Variants in ROBO1 observed in about 807,000 individuals in gnomAD.
ROBO1 encodes the protein roundabout homolog 1.
In ROBO1, 149 loss-of-function variants were observed where a neutral mutation model predicts 195.9. The ratio of observed to expected loss-of-function variants is 0.76; its 90% confidence interval spans 0.67 to 0.87. The LOEUF (loss-of-function observed/expected upper bound fraction) is 0.87. ROBO1 is among the 40% of genes least tolerant of loss of function. The probability of loss-of-function intolerance (pLI) is 0.00; values close to 1 mark genes in which losing one functional copy is unlikely to be tolerated. For synonymous variants in ROBO1, 816 were observed against 733.2 expected, an observed-to-expected ratio of 1.11 and a Z score of -1.82; for missense variants, 1,933 against 2,068.3, an observed-to-expected ratio of 0.93 and a Z score of 1.27.
chr3:78,636,204 T>C (rs2107533662), intron 22 of ROBO1, 96 bp from the exon 23 acceptor site: 3 of 843,578 alleles, frequency 3.6e-6, no homozygotes, highest in Non-Finnish European at 5.4e-6. Flanking sequence ...CAGAAAATCG[T>C]TATGTAAAGT....
chr3:79,760,603 C>G (rs561926967), intron 1 of ROBO1, among the ~76,000 whole-genome samples: 1 of 112,214 alleles, frequency 8.9e-6, no homozygotes, highest in Admixed American at 9.6e-5. Context: ...TATGTTTAAG[C>G]AATTCACAGC....
At chr3:79,584,576 G>A (rs1943760788) in intron 2 of ROBO1, among the ~76,000 whole-genome samples, 1 of 150,570 alleles carries the variant, frequency 6.6e-6, no homozygotes, top group Non-Finnish European at 1.5e-5. Context: ...TCCTAAGTAT[G>A]TAACAAGAGA....
chr3:78,777,864 A>G (rs1260845351), intron 4 of ROBO1, among the ~76,000 whole-genome samples: 1 of 152,172 alleles, frequency 6.6e-6, no homozygotes, highest in East Asian at 1.9e-4. Flanking sequence ...AGAACTTCCA[A>G]TTCTATATTG....
intron 2 of ROBO1, among the ~76,000 whole-genome samples, chr3:79,408,310 A>G (rs1010427322): frequency 7.9e-5 from 12 of 152,044 alleles, no homozygotes; most frequent in African/African-American, 2.9e-4. Context: ...TAATCTCAGT[A>G]CTGAAGGAAA....
intron 10 of ROBO1, among the ~76,000 whole-genome samples, chr3:78,681,048 T>C (rs1409799953): frequency 6.6e-6 from 1 of 151,658 alleles, no homozygotes; most frequent in Non-Finnish European, 1.5e-5. Flanking sequence ...ATGGATGAAA[T>C]TGGAAATCAT....
At chr3:79,511,071 C>T (rs745961490) in intron 2 of ROBO1, among the ~76,000 whole-genome samples, 6 of 152,150 alleles carry the variant, frequency 3.9e-5, no homozygotes, top group Middle Eastern at 3.4e-3. Flanking sequence ...TCAAGATACT[C>T]GGGATGACCA....
rs576389202 is a variant in ROBO1, at chr3:79,242,912, A to T, written c.89-117373T>A. ...TTTGTTACATATGTATACATGTGCC[A>T]TGTTGGTGTGCTGCACCTATTAACT... On this transcript the variant is annotated intron_variant, in intron 2 of 30. Coordinates refer to ENST00000464233, the MANE Select transcript of ROBO1 (RefSeq NM_002941.4). 1.3e-3 allele frequency among the ~76,000 whole-genome samples: 202 copies of T among 151,984 alleles called. 1 individual carries two copies. The highest frequency in any genetic ancestry group is 4.7e-3 in the African/African-American group (194 of 41,450).
At chr3:79,144,589 G>C (rs2168373) in intron 2 of ROBO1, among the ~76,000 whole-genome samples, 112,267 of 151,792 alleles carry the variant, frequency 0.74, 41,801 homozygotes, top group African/African-American at 0.83. Flanking sequence ...AATCTGAGAT[G>C]AAGAGGAATG....
At chr3:78,682,474 A>G (rs1160656336) in intron 10 of ROBO1, among the ~76,000 whole-genome samples, 1 of 145,894 alleles carries the variant, frequency 6.9e-6, no homozygotes, top group Non-Finnish European at 1.5e-5. Context: ...TATATATATG[A>G]CTGTGTATAT....
intron 1 of ROBO1, among the ~76,000 whole-genome samples, chr3:79,679,564 T>C (rs1296853625): frequency 6.6e-6 from 1 of 152,050 alleles, no homozygotes; most frequent in Non-Finnish European, 1.5e-5. Flanking sequence ...TCAAATGTAA[T>C]GTTTTTCTCT....
At chr3:78,806,585 C>T (rs1378088888) in intron 4 of ROBO1, among the ~76,000 whole-genome samples, 1 of 152,032 alleles carries the variant, frequency 6.6e-6, no homozygotes, top group Non-Finnish European at 1.5e-5. Context: ...TGAAGTAACA[C>T]TTATAAGTCA....
At chr3:79,303,764 A>C (rs2033091537) in intron 2 of ROBO1, among the ~76,000 whole-genome samples, 1 of 152,152 alleles carries the variant, frequency 6.6e-6, no homozygotes, top group Non-Finnish European at 1.5e-5. Flanking sequence ...GCTTTGACCA[A>C]CATCTCCTCA....
At chr3:78,810,690 C>A (rs1384365838) in intron 4 of ROBO1, among the ~76,000 whole-genome samples, 1 of 151,804 alleles carries the variant, frequency 6.6e-6, no homozygotes, top group Non-Finnish European at 1.5e-5. Flanking sequence ...AAAGTAATCA[C>A]CCTGTAAAAT....
chr3:79,705,764 G>A (rs1349033823), intron 1 of ROBO1, among the ~76,000 whole-genome samples: 1 of 152,058 alleles, frequency 6.6e-6, no homozygotes, highest in Non-Finnish European at 1.5e-5. Flanking sequence ...AGAACAAGTT[G>A]GGGAGAACTG....
chr3:79,069,231 C>A (rs998102534), intron 3 of ROBO1, among the ~76,000 whole-genome samples: 1 of 151,788 alleles, frequency 6.6e-6, no homozygotes. Context: ...TCAATTTATG[C>A]AAATTGTATC....
intron 3 of ROBO1, among the ~76,000 whole-genome samples, chr3:78,988,272 A>G (rs1376230159): frequency 6.6e-6 from 1 of 152,128 alleles, no homozygotes; most frequent in African/African-American, 2.4e-5. Context: ...GCTACGAACT[A>G]AAAGGCAATT....
intron 1 of ROBO1, among the ~76,000 whole-genome samples, chr3:79,765,522 T>C (rs560171881): frequency 6.6e-6 from 1 of 152,124 alleles, no homozygotes; most frequent in Non-Finnish European, 1.5e-5. Context: ...CTCCTCAAGA[T>C]ATAGTAGAGA....
chr3:79,456,230 C>G (rs1014492500), intron 2 of ROBO1, among the ~76,000 whole-genome samples: 4 of 152,116 alleles, frequency 2.6e-5, no homozygotes, highest in African/African-American at 9.7e-5. Context: ...ATCTGTCAAG[C>G]ATTTGGTCCT....
intron 2 of ROBO1, among the ~76,000 whole-genome samples, chr3:79,224,445 G>A (rs1441689528): frequency 6.6e-6 from 1 of 152,078 alleles, no homozygotes; most frequent in Non-Finnish European, 1.5e-5. Flanking sequence ...ATTTAGTTTT[G>A]AAAATTAAAC....
Sources: gnomAD v4.1 joint callset for allele counts (sites outside exome capture counted in the v4.1 genomes callset) on GRCh38, gnomAD v4.1.1 for gene constraint, MANE v1.5 for transcripts, NCBI Gene and HGNC (gene_info 2026-07-23, HGNC 2026-07-21) for gene names.